Variants in NALF1 observed in about 807,000 individuals in gnomAD.
NALF1 encodes the protein NALCN channel auxiliary factor 1.
NALF1 carries 3 observed loss-of-function variants against 48.4 expected under a neutral mutation model. The observed-to-expected ratio is 0.06, with a 90% confidence interval of 0.03 to 0.16. NALF1 has a LOEUF of 0.16. Among genes scored for constraint, NALF1 ranks in the 10% least tolerant of loss-of-function variants. The pLI is 1.00. For missense variants in NALF1, 526 were observed against 571.5 expected (o/e 0.92, Z 0.81); for synonymous variants, 262 against 245.7 (o/e 1.07, Z -0.62).
chr13:107,301,878 C>A (rs1007369958), intron 1 of NALF1, among the ~76,000 whole-genome samples: 10 of 152,024 alleles, frequency 6.6e-5, no homozygotes, highest in African/African-American at 2.2e-4. Flanking sequence ...ACCCTACAGC[C>A]AAGAACAACT....
intron 1 of NALF1, among the ~76,000 whole-genome samples, chr13:107,326,599 T>C (rs55800060): frequency 0.022 from 3,397 of 152,284 alleles, 122 homozygotes; most frequent in African/African-American, 0.077. Context: ...TTATGGAAGA[T>C]CACACTGAGA....
At chr13:107,545,236 G>A in intron 1 of NALF1, among the ~76,000 whole-genome samples, 1 of 152,192 alleles carries the variant, frequency 6.6e-6, no homozygotes, top group East Asian at 1.9e-4. Context: ...GACACAGGGG[G>A]AGTGCTGTGT....
chr13:107,275,104 G>T (rs1212395276), intron 1 of NALF1, among the ~76,000 whole-genome samples: 1 of 152,028 alleles, frequency 6.6e-6, no homozygotes, highest in Non-Finnish European at 1.5e-5. Context: ...ACATGCATAC[G>T]GTTACAAAAA....
intron 1 of NALF1, among the ~76,000 whole-genome samples, chr13:107,592,792 C>T (rs1878634136): frequency 6.6e-6 from 1 of 151,792 alleles, no homozygotes; most frequent in Non-Finnish European, 1.5e-5. Context: ...CTTTTAACAG[C>T]ATTTGTAGTT....
intron 1 of NALF1, among the ~76,000 whole-genome samples, chr13:107,564,283 A>G (rs918666602): frequency 2.0e-5 from 3 of 152,188 alleles, no homozygotes; most frequent in Non-Finnish European, 4.4e-5. Context: ...TTTTGTTTGT[A>G]TATGTGTGCA....
chr13:107,261,640 G>C (rs189673227), intron 1 of NALF1, among the ~76,000 whole-genome samples: 1,732 of 152,200 alleles, frequency 0.011, 25 homozygotes, highest in African/African-American at 0.039. Context: ...AGGACCTGCT[G>C]AGAGTGTTTT....
intron 1 of NALF1, among the ~76,000 whole-genome samples, chr13:107,329,759 G>T (rs1461654846): frequency 6.6e-6 from 1 of 150,490 alleles, no homozygotes; most frequent in Admixed American, 6.7e-5. Flanking sequence ...TGCGGTGTTT[G>T]GCTTTTGTCC....
chr13:107,740,880 G>A (rs1009729648), intron 1 of NALF1, among the ~76,000 whole-genome samples: 1 of 152,128 alleles, frequency 6.6e-6, no homozygotes. Context: ...TACAAGAGAA[G>A]GATAAGCTAT....
intron 1 of NALF1, among the ~76,000 whole-genome samples, chr13:107,361,540 T>C (rs567387853): frequency 4.6e-5 from 7 of 151,622 alleles, no homozygotes; most frequent in African/African-American, 1.7e-4. Flanking sequence ...AAATGAGCCA[T>C]GGAAAAAAAG....
chr13:107,717,899 A>C (rs1360669092), intron 1 of NALF1, among the ~76,000 whole-genome samples: 4 of 152,050 alleles, frequency 2.6e-5, no homozygotes, highest in Non-Finnish European at 5.9e-5. Flanking sequence ...TCGCCAAGTA[A>C]TTTTTAGCTC....
intron 1 of NALF1, among the ~76,000 whole-genome samples, chr13:107,375,608 G>A (rs34440328): frequency 0.29 from 44,633 of 151,772 alleles, 7,997 homozygotes; most frequent in Admixed American, 0.44. Flanking sequence ...AGGTATATAA[G>A]GAAATTGACT....
intron 1 of NALF1, among the ~76,000 whole-genome samples, chr13:107,250,685 C>G (rs1242011454): frequency 6.6e-6 from 1 of 152,010 alleles, no homozygotes; most frequent in Non-Finnish European, 1.5e-5. Context: ...TGGCATTAAA[C>G]TCTCTCTAAC....
chr13:107,174,702 C>G (rs61965358), intron 2 of NALF1, among the ~76,000 whole-genome samples: 3 of 151,592 alleles, frequency 2.0e-5, no homozygotes, highest in Non-Finnish European at 4.4e-5. Flanking sequence ...ATCAGACTTC[C>G]CAGAAAAGTC....
chr13:107,389,336 A>C (rs1055436864), intron 1 of NALF1, among the ~76,000 whole-genome samples: 2 of 152,210 alleles, frequency 1.3e-5, no homozygotes, highest in African/African-American at 4.8e-5. Context: ...GTCTTTACCG[A>C]GGGAATCAAG....
chr13:107,246,478 C>A (rs979280076), intron 1 of NALF1, among the ~76,000 whole-genome samples: 40 of 152,208 alleles, frequency 2.6e-4, no homozygotes, highest in South Asian at 8.3e-4. Context: ...TTCTTCACTC[C>A]CTCCTTCTAA....
chr13:107,446,332 TACACAACA>T (rs1339755433), intron 1 of NALF1, among the ~76,000 whole-genome samples: 1 of 151,852 alleles, frequency 6.6e-6, no homozygotes, highest in East Asian at 1.9e-4. Flanking sequence ...TTTTTGTGCT[TACACAACA>T]AGGAAGAGAA....
chr13:107,754,152 A>G (rs575372968), intron 1 of NALF1, among the ~76,000 whole-genome samples: 1 of 152,222 alleles, frequency 6.6e-6, no homozygotes, highest in Admixed American at 6.5e-5. Flanking sequence ...GAACTCTTTC[A>G]TTCTGATATG....
chr13:107,227,829 A>G (rs1438786860), intron 1 of NALF1, among the ~76,000 whole-genome samples: 2 of 152,236 alleles, frequency 1.3e-5, no homozygotes, highest in Non-Finnish European at 2.9e-5. Context: ...ACCGAATCTC[A>G]TAGGATTTTA....
chr13:107,481,191 TA>T (rs1354063362), intron 1 of NALF1, among the ~76,000 whole-genome samples: 3 of 152,202 alleles, frequency 2.0e-5, no homozygotes, highest in Non-Finnish European at 4.4e-5. Flanking sequence ...AGAGCTTAAT[TA>T]GTGCAATTAA....
Sources: allele counts gnomAD v4.1 joint callset (sites outside exome capture counted in the v4.1 genomes callset), GRCh38; gene constraint gnomAD v4.1.1; transcripts MANE v1.5; gene names NCBI Gene and HGNC (gene_info 2026-07-23, HGNC 2026-07-21).